Variants in LPAR3 observed in about 807,000 individuals in gnomAD.
LPAR3 encodes the protein lysophosphatidic acid receptor 3.
In LPAR3, 7 loss-of-function variants were observed where a neutral mutation model predicts 17.8. That is an observed-to-expected ratio of 0.39 (90% CI 0.22 to 0.74). The LOEUF (loss-of-function observed/expected upper bound fraction) is 0.74. Among genes scored for constraint, LPAR3 ranks in the 30% least tolerant of loss-of-function variants. The pLI is 0.40. For missense variants in LPAR3, 391 were observed against 453.4 expected (o/e 0.86, Z 1.25); for synonymous variants, 179 against 179.9 (o/e 0.99, Z 0.04).
At chr1:84,887,612 C>T (rs1660485075) in intron 1 of LPAR3, among the ~76,000 whole-genome samples, 1 of 152,150 alleles carries the variant, frequency 6.6e-6, no homozygotes, top group African/African-American at 2.4e-5. Context: ...ATCTGGCAAA[C>T]ACCAACATAA....
At chr1:84,887,047 T>C (rs973938535) in intron 1 of LPAR3, among the ~76,000 whole-genome samples, 8 of 152,036 alleles carry the variant, frequency 5.3e-5, no homozygotes, top group Non-Finnish European at 7.4e-5. Flanking sequence ...CTAACAAATG[T>C]AGAAAGAGTG....
intron 2 of LPAR3, among the ~76,000 whole-genome samples, chr1:84,857,089 C>T (rs75790602): frequency 0.031 from 4,751 of 152,234 alleles, 116 homozygotes; most frequent in Non-Finnish European, 0.05. Context: ...CACACCCGGT[C>T]AGCTTCCTCT....
chr1:84,835,224 T>C (rs999466028), intron 2 of LPAR3, among the ~76,000 whole-genome samples: 9 of 152,352 alleles, frequency 5.9e-5, no homozygotes, highest in Middle Eastern at 3.4e-3. Flanking sequence ...TGGACTGATC[T>C]GTTTCCAAAG....
intron 1 of LPAR3, among the ~76,000 whole-genome samples, chr1:84,887,773 C>T (rs1309898784): frequency 1.3e-5 from 2 of 152,166 alleles, no homozygotes; most frequent in African/African-American, 2.4e-5. Flanking sequence ...ATACCCAATA[C>T]AGCCAGGTTG....
chr1:84,891,852 G>T (rs1288007484), intron 1 of LPAR3, among the ~76,000 whole-genome samples: 2 of 152,126 alleles, frequency 1.3e-5, no homozygotes, highest in Non-Finnish European at 2.9e-5. Context: ...AGGAAAAGGA[G>T]GAAGAAAAGC....
rs1658825952 is a variant in LPAR3, at chr1:84,812,155, G to A, written c.*1691C>T. 1 of 152,052 alleles carries A rather than the reference G, an allele frequency of 6.6e-6. No individual in the cohort carries two copies. Among genetic ancestry groups the A allele is most frequent in the Admixed American group, 6.6e-5 (1 of 15,258 alleles). The allele number at this position is 152,052 out of a possible 1,614,324, so 9.4% of individuals were successfully genotyped here. On this transcript the variant is annotated 3_prime_UTR_variant, in exon 3 of 3. Transcript: ENST00000370611. ...TGGAGGTAACTGAAGATAAGGACTG[G>A]GGTCAAGCTCATATTTCATTCTATA...
intron 1 of LPAR3, among the ~76,000 whole-genome samples, chr1:84,888,242 C>T (rs1660495918): frequency 6.6e-6 from 1 of 151,596 alleles, no homozygotes; most frequent in African/African-American, 2.4e-5. Context: ...AGATTTCAAA[C>T]CTAATGCCAT....
At chr1:84,878,627 A>T (rs1221190211) in intron 1 of LPAR3, among the ~76,000 whole-genome samples, 1 of 152,132 alleles carries the variant, frequency 6.6e-6, no homozygotes, top group Non-Finnish European at 1.5e-5. Context: ...TCTCAAATGA[A>T]TTTTCAATCT....
At chr1:84,880,493 G>A (rs1660343727) in intron 1 of LPAR3, among the ~76,000 whole-genome samples, 2 of 152,196 alleles carry the variant, frequency 1.3e-5, no homozygotes, top group South Asian at 4.1e-4. Flanking sequence ...GTAAACTGTT[G>A]CAAGGGACAA....
chr1:84,887,345 C>G (rs1226592625), intron 1 of LPAR3, among the ~76,000 whole-genome samples: 1 of 151,204 alleles, frequency 6.6e-6, no homozygotes, highest in African/African-American at 2.4e-5. Flanking sequence ...CCACTGCACT[C>G]CAGCATGGCA....
intron 2 of LPAR3, among the ~76,000 whole-genome samples, chr1:84,820,112 C>G (rs929285529): frequency 6.6e-6 from 1 of 152,192 alleles, no homozygotes; most frequent in Non-Finnish European, 1.5e-5. Context: ...TTTAGAGTAG[C>G]TCAACAGTTT....
chr1:84,865,488 C>T lies in LPAR3; in HGVS notation c.633G>A (p.Val211=), dbSNP rs1174535425. The T allele has an allele frequency of 7.4e-6, 12 of 1,614,152 alleles. No individual in the cohort carries two copies. Among genetic ancestry groups the T allele is most frequent in the Admixed American group, 5.0e-5 (3 of 60,030 alleles). Residue 211 remains valine (V), a synonymous_variant, in exon 2 of 3, where the codon GTG becomes GTA. Transcript: ENST00000370611. ...AGACGTTGGTTTTCCTCTTGACGTA[C>T]ACGTAGATCCGCAGGTACACCACAA... The part of the protein sequence containing the change: ...IMVVVYLRIY[V]YVKRKTNVLS...
At chr1:84,815,149 GA>G (rs1348004366) in intron 2 of LPAR3, among the ~76,000 whole-genome samples, 5 of 152,162 alleles carry the variant, frequency 3.3e-5, no homozygotes, top group Non-Finnish European at 5.9e-5. Context: ...CGAGGCACAA[GA>G]GAAGTTAAGT....
chr1:84,813,126 A>AACATAT lies in LPAR3; in HGVS notation c.*719_*720insATATGT. 2.8e-5 allele frequency: 2 copies of AACATAT among 71,594 alleles called. No homozygotes were observed. Among genetic ancestry groups the AACATAT allele is most frequent in the South Asian group, 1.0e-3 (2 of 1,924 alleles). The allele number at this position is 71,594 out of a possible 1,614,324, so 4.4% of individuals were successfully genotyped here. On this transcript the variant is annotated 3_prime_UTR_variant, in exon 3 of 3. Transcript: ENST00000370611. Reference sequence around the variant, plus strand: ...ATCAATAAAAATCAGTAAAAACAGGAATATATATATATATATATATATATA... The same window carrying AACATAT: ...ATCAATAAAAATCAGTAAAAACAGGAACATATATATATATATATATATATATATATA...
At chr1:84,883,599 C>T (rs968137532) in intron 1 of LPAR3, among the ~76,000 whole-genome samples, 5 of 152,176 alleles carry the variant, frequency 3.3e-5, no homozygotes, top group African/African-American at 1.2e-4. Flanking sequence ...CATCTCTTTC[C>T]CCATTTGATC....
At chr1:84,868,589 C>T (rs1557605129) in intron 1 of LPAR3, among the ~76,000 whole-genome samples, 2 of 152,120 alleles carry the variant, frequency 1.3e-5, no homozygotes, top group Admixed American at 6.5e-5. Flanking sequence ...TGTTTGTGTG[C>T]CTCCAAAATT....
At chr1:84,885,857 T>G (rs1016534601) in intron 1 of LPAR3, among the ~76,000 whole-genome samples, 4 of 152,202 alleles carry the variant, frequency 2.6e-5, no homozygotes, top group African/African-American at 9.6e-5. Context: ...GTTTTCTAAC[T>G]GCCAGAGAAG....
chr1:84,849,267 C>T (rs1305103975), intron 2 of LPAR3, among the ~76,000 whole-genome samples: 2 of 144,350 alleles, frequency 1.4e-5, no homozygotes, highest in Non-Finnish European at 1.5e-5. Context: ...CCCAGCTACT[C>T]GGGAGGCTGA....
chr1:84,833,371 G>C (rs1335137407), intron 2 of LPAR3, among the ~76,000 whole-genome samples: 2 of 152,130 alleles, frequency 1.3e-5, no homozygotes, highest in Non-Finnish European at 2.9e-5. Flanking sequence ...TACTAGTTAG[G>C]TAAACTTGGG....
Sources: allele counts gnomAD v4.1 joint callset (sites outside exome capture counted in the v4.1 genomes callset), GRCh38; gene constraint gnomAD v4.1.1; transcripts MANE v1.5; gene names NCBI Gene and HGNC (gene_info 2026-07-23, HGNC 2026-07-21).